Variants in MGAT4C observed in about 807,000 individuals in gnomAD.
MGAT4C encodes the protein MGAT4 family member C.
MGAT4C carries 19 observed loss-of-function variants against 40.1 expected under a neutral mutation model. The observed-to-expected ratio is 0.47, with a 90% CI of 0.33 to 0.70. The LOEUF (loss-of-function observed/expected upper bound fraction) is 0.70. Among genes scored for constraint, MGAT4C ranks in the 30% least tolerant of loss-of-function variants. MGAT4C has a pLI of 0.02. For synonymous variants in MGAT4C, 181 were observed against 187.1 expected (o/e 0.97, Z 0.27); for missense variants, 491 against 563.2 (o/e 0.87, Z 1.30).
rs963791967 is a variant in MGAT4C, at chr12:86,256,343, C to G, written c.-161G>C. 3 of 152,118 alleles carry G rather than the reference C, an allele frequency of 2.0e-5. No homozygotes were observed. The highest frequency in any genetic ancestry group is 4.4e-5 in the Non-Finnish European group (3 of 68,046). 9.4% of individuals were successfully genotyped at this position (152,118 alleles called of 1,614,324 possible). ...TCACACAAAAGCGAGATAATTGGCT[C>G]TCAATGAAGAGATGTAAACATCCAT... On this transcript the variant is annotated 5_prime_UTR_variant, in exon 1 of 5. Transcript: ENST00000611864.
rs565513970 is a variant in MGAT4C at position 86,466,513 on chromosome 12, G to C, written c.-228-31248C>G. On this transcript the variant is annotated intron_variant, in intron 2 of 7. Coordinates refer to the MGAT4C transcript ENST00000548651. ...GGAAAATCTATGGTGACAGTAAAAA[G>C]TCAGGTGATTGCCAGAGTGTTGTGT... Among the ~76,000 whole-genome samples the C allele has an allele frequency of 5.1e-4, 78 of 152,312 alleles. 1 individual carries two copies. In the East Asian group the frequency reaches 0.012, roughly 23 times the overall value.
In MGAT4C at chr12:86,508,904, T is replaced by C. The variant is rs572229993; in HGVS notation, c.-228-73639A>G. On this transcript the variant is annotated intron_variant, in intron 2 of 7. Coordinates refer to the MGAT4C transcript ENST00000548651. ...GTCCTTCGCCCACTTTTTGATGGGGTTGTTTGTTTTTTTCTTGTAAATTTG... is the reference window on the plus strand; with the variant it reads ...GTCCTTCGCCCACTTTTTGATGGGGCTGTTTGTTTTTTTCTTGTAAATTTG... Among the ~76,000 whole-genome samples, 560 of 150,136 alleles carry C rather than the reference T, an allele frequency of 3.7e-3. 5 individuals are homozygous for C. The highest frequency in any genetic ancestry group is 0.013 in the African/African-American group (516 of 40,524).
intron 1 of MGAT4C, among the ~76,000 whole-genome samples, chr12:86,814,642 G>A (rs1275583354): frequency 1.3e-5 from 2 of 151,708 alleles, no homozygotes; most frequent in East Asian, 3.9e-4. Flanking sequence ...GTATTACCCC[G>A]AAATTCATGT....
chr12:86,838,153 G>T (rs1350978070), intron 1 of MGAT4C, among the ~76,000 whole-genome samples: 1 of 151,972 alleles, frequency 6.6e-6, no homozygotes, highest in Non-Finnish European at 1.5e-5. Flanking sequence ...TTATCAAAAA[G>T]ACTTATACTG....
chr12:86,147,497 T>A (rs2135756520), intron 1 of MGAT4C, among the ~76,000 whole-genome samples: 1 of 152,310 alleles, frequency 6.6e-6, no homozygotes, highest in East Asian at 1.9e-4. Context: ...CGCCTCGGCC[T>A]CCCAAAGTGC....
chr12:86,678,580 T>TC (rs1244435420), intron 2 of MGAT4C, among the ~76,000 whole-genome samples: 2 of 52,394 alleles, frequency 3.8e-5, no homozygotes, highest in Non-Finnish European at 7.1e-5. Context: ...CCCTCCCCCC[T>TC]CCCCCCACCA....
At chr12:86,225,600 A>G (rs183734295) in intron 1 of MGAT4C, among the ~76,000 whole-genome samples, 47 of 152,274 alleles carry the variant, frequency 3.1e-4, no homozygotes, top group African/African-American at 1.1e-3. Flanking sequence ...ATGCACCATG[A>G]TAAAGTGTGA....
At chr12:86,229,671 G>A (rs1013375495) in intron 1 of MGAT4C, among the ~76,000 whole-genome samples, 21 of 151,960 alleles carry the variant, frequency 1.4e-4, no homozygotes, top group Admixed American at 7.2e-4. Flanking sequence ...AATGGTATAA[G>A]GAAGTACATA....
intron 1 of MGAT4C, among the ~76,000 whole-genome samples, chr12:86,057,675 G>T (rs1365142580): frequency 6.6e-6 from 1 of 152,078 alleles, no homozygotes; most frequent in Non-Finnish European, 1.5e-5. Context: ...TGCAATCTTT[G>T]TGTGAATGTC....
At chr12:86,014,635 A>G (rs1188203704) in intron 2 of MGAT4C, among the ~76,000 whole-genome samples, 1 of 152,066 alleles carries the variant, frequency 6.6e-6, no homozygotes, top group Non-Finnish European at 1.5e-5. Context: ...TGAAAATTGT[A>G]CAGAAGTCGG....
chr12:86,205,858 GT>G (rs1186484043), intron 1 of MGAT4C, among the ~76,000 whole-genome samples: 2 of 151,190 alleles, frequency 1.3e-5, no homozygotes, highest in Admixed American at 1.3e-4. Flanking sequence ...TGAACTTCGT[GT>G]TTTTAGTTAT....
chr12:86,219,270 G>A (rs1282386717), intron 1 of MGAT4C, among the ~76,000 whole-genome samples: 2 of 152,140 alleles, frequency 1.3e-5, no homozygotes, highest in Non-Finnish European at 2.9e-5. Flanking sequence ...AATCCTTCCT[G>A]AGTATTTAAA....
chr12:86,421,611 A>C (rs949625401), intron 3 of MGAT4C, among the ~76,000 whole-genome samples: 3 of 152,136 alleles, frequency 2.0e-5, no homozygotes, highest in African/African-American at 7.2e-5. Flanking sequence ...CCCCGTCTCT[A>C]CTAAAAATAC....
intron 1 of MGAT4C, among the ~76,000 whole-genome samples, chr12:86,813,330 G>T (rs1476439352): frequency 6.6e-6 from 1 of 151,908 alleles, no homozygotes; most frequent in Non-Finnish European, 1.5e-5. Context: ...GACGTCACAT[G>T]ATATTACATA....
At chr12:86,246,611 T>A (rs1952043697) in intron 1 of MGAT4C, among the ~76,000 whole-genome samples, 1 of 152,200 alleles carries the variant, frequency 6.6e-6, no homozygotes, top group Non-Finnish European at 1.5e-5. Context: ...AAACACTTTA[T>A]TTATTATAAA....
intron 1 of MGAT4C, among the ~76,000 whole-genome samples, chr12:86,735,676 G>A (rs1476350580): frequency 6.6e-6 from 1 of 151,816 alleles, no homozygotes; most frequent in Non-Finnish European, 1.5e-5. Flanking sequence ...GTTATACTGT[G>A]AAGAAGTTAT....
intron 2 of MGAT4C, among the ~76,000 whole-genome samples, chr12:86,439,538 A>G (rs948153978): frequency 6.6e-6 from 1 of 152,104 alleles, no homozygotes; most frequent in Non-Finnish European, 1.5e-5. Flanking sequence ...AAGATCACAA[A>G]TAGACAACCT....
At chr12:86,495,652 G>T (rs1011883930) in intron 2 of MGAT4C, among the ~76,000 whole-genome samples, 2 of 151,980 alleles carry the variant, frequency 1.3e-5, no homozygotes, top group African/African-American at 4.8e-5. Flanking sequence ...ATACCTACAG[G>T]AAGTTCTTGT....
rs570757256 is a variant in MGAT4C at position 86,510,597 on chromosome 12, T to C, written c.-228-75332A>G. On this transcript the variant is annotated intron_variant, in intron 2 of 7. Transcript: ENST00000548651. The stretch of plus-strand genomic sequence containing the variant: ...CTGGGTGCTGTATTCAGGAAACCCA[T>C]CTCACATGCAGAGACAAACATAGGC... Among the ~76,000 whole-genome samples, 17 of 152,044 alleles carry C rather than the reference T, an allele frequency of 1.1e-4. No homozygotes were observed. The South Asian group carries it at 3.5e-3, about 32-fold the overall frequency.
Sources: allele counts gnomAD v4.1 joint callset (sites outside exome capture counted in the v4.1 genomes callset), GRCh38; gene constraint gnomAD v4.1.1; transcripts MANE v1.5; gene names NCBI Gene and HGNC (gene_info 2026-07-23, HGNC 2026-07-21).